Variants in PSMD5 observed in about 807,000 individuals in gnomAD.
PSMD5 encodes proteasome 26S subunit, non-ATPase 5.
In PSMD5, 40 loss-of-function variants were observed where a neutral mutation model predicts 52.1. The observed-to-expected ratio is 0.77, with a 90% CI of 0.60 to 1.00. The LOEUF (loss-of-function observed/expected upper bound fraction) is 1.00, where lower values mean the gene tolerates loss of function less well. Ranked by LOEUF, PSMD5 falls within the 50% of genes least tolerant of loss-of-function variation. The pLI is 0.00. For missense variants in PSMD5, 575 were observed against 605.2 expected, an observed-to-expected ratio of 0.95 and a Z score of 0.52; for synonymous variants, 211 against 226.6, an observed-to-expected ratio of 0.93 and a Z score of 0.62.
At chr9:120,830,992 T>A (rs2045155793) in intron 4 of PSMD5, among the ~76,000 whole-genome samples, 1 of 152,078 alleles carries the variant, frequency 6.6e-6, no homozygotes, top group African/African-American at 2.4e-5. Flanking sequence ...CAGTTGATCC[T>A]CCCACTTCAA....
intron 9 of PSMD5, among the ~76,000 whole-genome samples, chr9:120,819,003 A>G (rs1191049686): frequency 6.6e-6 from 1 of 152,254 alleles, no homozygotes. Context: ...TATATTTGAA[A>G]TATTTCACCA....
chr9:120,830,373 G>A (rs1016993388), intron 4 of PSMD5, among the ~76,000 whole-genome samples: 2 of 152,188 alleles, frequency 1.3e-5, no homozygotes, highest in African/African-American at 4.8e-5. Context: ...TCAGAAGAAA[G>A]GTCTCAGTTG....
At chr9:120,841,560 C>G (rs959406921) in intron 1 of PSMD5, among the ~76,000 whole-genome samples, 3 of 152,028 alleles carry the variant, frequency 2.0e-5, no homozygotes, top group Non-Finnish European at 4.4e-5. Flanking sequence ...ACCTGGGAGA[C>G]AGAGCGAGAC....
intron 9 of PSMD5, among the ~76,000 whole-genome samples, chr9:120,820,171 T>C (rs1028764926): frequency 5.9e-5 from 9 of 152,234 alleles, no homozygotes; most frequent in Non-Finnish European, 1.3e-4. Flanking sequence ...GCTGTAATTA[T>C]ATAAGTAACT....
chr9:120,836,971 C>T (rs1467847731), intron 1 of PSMD5, among the ~76,000 whole-genome samples: 1 of 150,786 alleles, frequency 6.6e-6, no homozygotes, highest in Admixed American at 6.6e-5. Flanking sequence ...CTCACTGCAA[C>T]CTCTGCCTCC....
intron 2 of PSMD5, 122 bp downstream of exon 2, chr9:120,833,190 A>G: frequency 8.8e-7 from 1 of 1,136,540 alleles, no homozygotes; most frequent in South Asian, 1.4e-5. Context: ...GGAGCAGAGG[A>G]GAGGGGGAGA....
intron 1 of PSMD5, among the ~76,000 whole-genome samples, chr9:120,840,906 C>T (rs1387238864): frequency 2.0e-5 from 3 of 152,038 alleles, no homozygotes; most frequent in Non-Finnish European, 2.9e-5. Context: ...GCGTGAGCCA[C>T]CGTGCCTGGC....
rs1291034042 is a variant in PSMD5 at position 120,823,239 on chromosome 9, C to T, written c.1006+1255G>A. Among the ~76,000 whole-genome samples the T allele has an allele frequency of 6.7e-5, 10 of 149,110 alleles. No individual in the cohort carries two copies. In the South Asian group the frequency reaches 8.4e-4, roughly 13 times the overall value. On this transcript the variant is annotated intron_variant, in intron 7 of 9. Coordinates refer to ENST00000210313, the MANE Select transcript of PSMD5 (RefSeq NM_005047.4). ...CTTTTTTTTTTTTTTTACAGAGTCT[C>T]GCACTGTCGCCCAGGCTGGAGTGCA...
chr9:120,840,609 C>A (rs995892011), intron 1 of PSMD5, among the ~76,000 whole-genome samples: 2 of 145,368 alleles, frequency 1.4e-5, no homozygotes, highest in Non-Finnish European at 3.0e-5. Context: ...CCAAGCCCAG[C>A]TAATTTTTGC....
chr9:120,825,250 T>A (rs1217953239), intron 6 of PSMD5, among the ~76,000 whole-genome samples: 1 of 152,198 alleles, frequency 6.6e-6, no homozygotes, highest in Non-Finnish European at 1.5e-5. Context: ...TATCCTAATG[T>A]TCTAAATAGC....
intron 6 of PSMD5, 103 bp from the exon 7 acceptor site, chr9:120,824,788 G>T: frequency 1.0e-6 from 1 of 976,302 alleles, no homozygotes. Flanking sequence ...GGCCAGAAAA[G>T]CATAGAAAGG....
intron 7 of PSMD5, among the ~76,000 whole-genome samples, chr9:120,823,691 TGAGTA>T (rs1018426372): frequency 6.6e-6 from 1 of 151,856 alleles, no homozygotes; most frequent in Non-Finnish European, 1.5e-5. Flanking sequence ...TTTGTATTCT[TGAGTA>T]GAGATAGGAT....
intron 1 of PSMD5, among the ~76,000 whole-genome samples, chr9:120,838,250 G>A (rs572880740): frequency 1.3e-5 from 2 of 152,190 alleles, no homozygotes; most frequent in Admixed American, 6.5e-5. Flanking sequence ...GTTTTATTAA[G>A]TGCAGTTCAT....
Position 120,842,884 on chromosome 9 carries a change from A to G in PSMD5, c.26T>C (p.Leu9Pro). 1.3e-6 allele frequency: 2 copies of G among 1,597,532 alleles called. No individual in the cohort carries two copies. The highest frequency in any genetic ancestry group is 2.2e-5 in the East Asian group (1 of 44,580). MAAQALAL[L>P]REVARLEAPL... Reference sequence around the variant, plus strand: ...CGCTTCCAGCCTCGCTACCTCTCTCAGCAGCGCCAAAGCCTGGGCTGCCAT... The same window carrying G: ...CGCTTCCAGCCTCGCTACCTCTCTCGGCAGCGCCAAAGCCTGGGCTGCCAT... Residue 9 changes from leucine to proline, a missense_variant, in exon 1 of 10, where the codon CTG (leucine) becomes CCG (proline). Physicochemically the swap from Leu to Pro is moderately conservative, Grantham distance 98. Coordinates refer to ENST00000210313, the MANE Select transcript of PSMD5 (RefSeq NM_005047.4).
intron 1 of PSMD5, among the ~76,000 whole-genome samples, chr9:120,837,574 T>C (rs1019565058): frequency 4.6e-5 from 7 of 152,246 alleles, no homozygotes; most frequent in African/African-American, 1.7e-4. Context: ...CATTTTTTTT[T>C]CCTGTTTTCT....
At chr9:120,831,127 T>C (rs1389828213) in intron 4 of PSMD5, among the ~76,000 whole-genome samples, 1 of 152,154 alleles carries the variant, frequency 6.6e-6, no homozygotes, top group Non-Finnish European at 1.5e-5. Flanking sequence ...CAAGGGGTCC[T>C]CCTGCCCTTG....
chr9:120,821,734 T>TC (rs1408066655), intron 7 of PSMD5, among the ~76,000 whole-genome samples: 17 of 152,242 alleles, frequency 1.1e-4, no homozygotes, highest in African/African-American at 3.9e-4. Flanking sequence ...TTTAGGCATC[T>TC]CATCTAAGTG....
At chr9:120,832,056 C>T in intron 2 of PSMD5, 111 bp from the exon 3 acceptor site, 15 of 1,450,858 alleles carry the variant, frequency 1.0e-5, no homozygotes, top group African/African-American at 1.4e-5. Context: ...GTGATCACAG[C>T]TATATATCAA....
In PSMD5 at chr9:120,842,740, T is replaced by C. The variant is rs768858837; in HGVS notation, c.170A>G (p.His57Arg). The C allele has an allele frequency of 5.6e-6, 9 of 1,613,326 alleles. No homozygotes were observed. The East Asian group carries it at 8.9e-5, about 16-fold the overall frequency. The change falls in exon 1 of 10, where the codon CAT becomes CGT. Residue 57 changes from histidine to arginine, a missense_variant. Transcript: ENST00000210313. Reference protein sequence around the residue: ...GPLFSLLNENHREKTTLCVSI... With the variant: ...GPLFSLLNENRREKTTLCVSI... ...CAAGCCCCCGGGGTCCTCTCACCTA[T>C]GGTTCTCGTTAAGCAGGGAGAAGAG... is the stretch of plus-strand genomic sequence containing the variant.
Sources: gnomAD v4.1 joint callset for allele counts (sites outside exome capture counted in the v4.1 genomes callset) on GRCh38, gnomAD v4.1.1 for gene constraint, MANE v1.5 for transcripts, NCBI Gene and HGNC (gene_info 2026-07-23, HGNC 2026-07-21) for gene names.